The following USP46 variants were observed in gnomAD, a reference collection of about 807,000 sequenced individuals.
USP46 encodes the protein ubiquitin carboxyl-terminal hydrolase 46.
In USP46, 12 loss-of-function variants were observed where a neutral mutation model predicts 44.4. The observed-to-expected ratio is 0.27, with a 90% confidence interval of 0.17 to 0.44. The LOEUF (loss-of-function observed/expected upper bound fraction) is 0.44, where lower values mean the gene tolerates loss of function less well. Ranked by LOEUF, USP46 falls within the 20% of genes least tolerant of loss-of-function variation. The probability of loss-of-function intolerance (pLI) is 1.00; values close to 1 mark genes in which losing one functional copy is unlikely to be tolerated. For missense variants in USP46, 248 were observed against 444.8 expected, an observed-to-expected ratio of 0.56 and a Z score of 3.98; for synonymous variants, 155 against 161.5, an observed-to-expected ratio of 0.96 and a Z score of 0.31.
At chr4:52,648,996 T>G (rs1361932449) in intron 1 of USP46, among the ~76,000 whole-genome samples, 2 of 152,236 alleles carry the variant, frequency 1.3e-5, no homozygotes, top group African/African-American at 4.8e-5. Context: ...AGAAGAGTCC[T>G]GTGGGCCTCT....
At chr4:52,625,698 A>G (rs1717553472) in intron 4 of USP46, among the ~76,000 whole-genome samples, 1 of 152,210 alleles carries the variant, frequency 6.6e-6, no homozygotes, top group Non-Finnish European at 1.5e-5. Context: ...AGACCTCCCC[A>G]TGACCAAAAT....
At chr4:52,598,050 T>A (rs1014854259) in intron 8 of USP46, among the ~76,000 whole-genome samples, 1 of 152,216 alleles carries the variant, frequency 6.6e-6, no homozygotes, top group African/African-American at 2.4e-5. Context: ...TAGCCCTAAG[T>A]CTTTTCGGCC....
At chr4:52,643,163 C>A (rs1718416860) in intron 1 of USP46, among the ~76,000 whole-genome samples, 1 of 152,192 alleles carries the variant, frequency 6.6e-6, no homozygotes, top group Non-Finnish European at 1.5e-5. Flanking sequence ...CTGGAGCACC[C>A]TCCATCTCCT....
chr4:52,621,566 G>C (rs1316674909), intron 4 of USP46, among the ~76,000 whole-genome samples: 1 of 152,080 alleles, frequency 6.6e-6, no homozygotes, highest in East Asian at 1.9e-4. Context: ...TGAGACAGGA[G>C]AATTGCTTGA....
chr4:52,621,757 A>T (rs937563391), intron 4 of USP46, among the ~76,000 whole-genome samples: 1 of 152,184 alleles, frequency 6.6e-6, no homozygotes, highest in East Asian at 1.9e-4. Flanking sequence ...CACATGCCCT[A>T]TGGCCAGCAA....
chr4:52,606,186 A>G (rs1716681605), intron 5 of USP46, among the ~76,000 whole-genome samples: 1 of 152,218 alleles, frequency 6.6e-6, no homozygotes, highest in African/African-American at 2.4e-5. Context: ...AAGCAGGTGT[A>G]AAGTCCAGGA....
chr4:52,632,994 GAAA>G (rs1384997515), intron 1 of USP46, among the ~76,000 whole-genome samples: 6 of 91,318 alleles, frequency 6.6e-5, no homozygotes. Flanking sequence ...GAAAAGAAAA[GAAA>G]GAAAGAAAGA....
chr4:52,619,788 T>C (rs907358296), intron 4 of USP46, among the ~76,000 whole-genome samples: 1 of 152,096 alleles, frequency 6.6e-6, no homozygotes, highest in African/African-American at 2.4e-5. Context: ...GGCTAGGATA[T>C]CATAGAAGGG....
At chr4:52,603,666 TTTC>T (rs1419247262) in intron 6 of USP46, among the ~76,000 whole-genome samples, 2 of 152,108 alleles carry the variant, frequency 1.3e-5, no homozygotes, top group African/African-American at 4.8e-5. Context: ...ACTTTCTAAC[TTTC>T]TTATCACCTG....
At chr4:52,633,118 T>C (rs970141867) in intron 1 of USP46, among the ~76,000 whole-genome samples, 1 of 152,202 alleles carries the variant, frequency 6.6e-6, no homozygotes, top group Non-Finnish European at 1.5e-5. Flanking sequence ...CAGAAAGAAA[T>C]GACCAAAACG....
chr4:52,615,115 G>A (rs1303272087), intron 4 of USP46, among the ~76,000 whole-genome samples: 1 of 151,652 alleles, frequency 6.6e-6, no homozygotes, highest in East Asian at 1.9e-4. Flanking sequence ...AAGAGGAACA[G>A]AAGAACAAAA....
At position 52,659,182 on chromosome 4, in the gene USP46, C is replaced by A. The variant is rs746483210; in HGVS notation, c.-32G>T. 1.3e-6 allele frequency: 2 copies of A among 1,539,510 alleles called. No homozygotes were observed. The highest frequency in any genetic ancestry group is 1.9e-5 in the Admixed American group (1 of 51,366). Reference sequence around the variant, plus strand: ...AAAGGTTGCAGCGATCCCTCACCGCCATCTTTACAAGGGGAAACCGGGACT... The same window carrying A: ...AAAGGTTGCAGCGATCCCTCACCGCAATCTTTACAAGGGGAAACCGGGACT... On this transcript the variant is annotated 5_prime_UTR_variant, in exon 1 of 9. An upstream start codon of the reference 5' UTR is lost. Transcript: ENST00000441222. This position sits in a 1 kb window ranked among gnomAD's most constrained non-coding sequence, Gnocchi z 4.2.
intron 1 of USP46, 52 bp from the exon 2 acceptor site, chr4:52,631,196 TA>T: frequency 1.4e-6 from 2 of 1,397,202 alleles, no homozygotes; most frequent in Non-Finnish European, 2.0e-6. Flanking sequence ...AGACAAAAAG[TA>T]AAATCATACC....
rs1015034282 is a variant in USP46 at position 52,604,652 on chromosome 4, C to T, written c.639-68G>A. On this transcript the variant is annotated intron_variant, in intron 5 of 8. Transcript: ENST00000441222. ...TACTTGGTATACTATGTTTTAAATC[C>T]CTCAATTAACCTGTAGGGTAATTTT... is the stretch of plus-strand genomic sequence containing the variant. The T allele has an allele frequency of 2.9e-6, 3 of 1,018,414 alleles. No homozygotes were observed. In the African/African-American group the frequency reaches 5.0e-5, roughly 17 times the overall value. The allele number at this position is 1,018,414 out of a possible 1,614,324, so 63.1% of individuals were successfully genotyped here. A position where few individuals can be genotyped will look rare whatever the true frequency, so the allele number is the denominator to read the frequency against.
intron 1 of USP46, among the ~76,000 whole-genome samples, chr4:52,653,124 C>T (rs562003538): frequency 1.3e-5 from 2 of 152,106 alleles, no homozygotes. Context: ...TACAGCATCC[C>T]TCAAACTTCA....
At chr4:52,598,028 G>C (rs1716313556) in intron 8 of USP46, among the ~76,000 whole-genome samples, 1 of 152,184 alleles carries the variant, frequency 6.6e-6, no homozygotes, top group Admixed American at 6.5e-5. Context: ...GTAAACTGAT[G>C]GGTCCTGGAA....
intron 1 of USP46, among the ~76,000 whole-genome samples, chr4:52,650,111 A>T (rs1187024770): frequency 6.6e-6 from 1 of 152,238 alleles, no homozygotes; most frequent in Non-Finnish European, 1.5e-5. Context: ...ATTATACCCT[A>T]AAGAAATGAA....
intron 1 of USP46, among the ~76,000 whole-genome samples, chr4:52,644,318 A>G (rs977962832): frequency 6.6e-6 from 1 of 152,182 alleles, no homozygotes; most frequent in South Asian, 2.1e-4. Context: ...TCCAGGCTTC[A>G]ACAGGGAAAG....
chr4:52,632,916 AAGAG>A (rs150410701), intron 1 of USP46, among the ~76,000 whole-genome samples: 41 of 79,660 alleles, frequency 5.1e-4, no homozygotes, highest in African/African-American at 1.7e-3. Flanking sequence ...GAAAGAAAGA[AAGAG>A]AAAGAAAGAA....
Sources: allele counts gnomAD v4.1 joint callset (sites outside exome capture counted in the v4.1 genomes callset), GRCh38; gene constraint gnomAD v4.1.1; non-coding constraint Gnocchi (gnomAD v3.1); transcripts MANE v1.5; gene names NCBI Gene and HGNC (gene_info 2026-07-23, HGNC 2026-07-21).